The following CDH8 variants were observed in gnomAD, a reference collection of about 807,000 sequenced individuals.
CDH8 encodes cadherin 8.
CDH8 carries 17 observed loss-of-function variants against 68.1 expected under a neutral mutation model. The observed-to-expected ratio is 0.25, with a 90% CI of 0.17 to 0.37. The LOEUF (loss-of-function observed/expected upper bound fraction) is 0.37, where lower values mean the gene tolerates loss of function less well. CDH8 is among the 10% of genes least tolerant of loss of function. CDH8 has a pLI of 1.00. For missense variants in CDH8, 763 were observed against 999.3 expected (o/e 0.76, Z 3.19); for synonymous variants, 372 against 365.1 (o/e 1.02, Z -0.21).
intron 10 of CDH8, among the ~76,000 whole-genome samples, chr16:61,682,274 A>G (rs937757636): frequency 3.3e-5 from 5 of 151,978 alleles, no homozygotes; most frequent in African/African-American, 1.2e-4. Flanking sequence ...GAGTTCATGT[A>G]TTAGGAAAAA....
chr16:61,850,416 A>G (rs1962913573), intron 4 of CDH8, among the ~76,000 whole-genome samples: 1 of 152,072 alleles, frequency 6.6e-6, no homozygotes, highest in Admixed American at 6.6e-5. Context: ...GTCACATTTC[A>G]ACATAAGATT....
chr16:61,841,307 T>G (rs2143008312), intron 4 of CDH8, among the ~76,000 whole-genome samples: 1 of 152,324 alleles, frequency 6.6e-6, no homozygotes, highest in Admixed American at 6.5e-5. Context: ...GTGGTTGTCC[T>G]AACTTACATT....
intron 3 of CDH8, among the ~76,000 whole-genome samples, chr16:61,890,130 A>G (rs1016471846): frequency 1.3e-5 from 2 of 152,350 alleles, no homozygotes; most frequent in East Asian, 1.9e-4. Flanking sequence ...GTTTTTAGAG[A>G]GGAAAACCAA....
chr16:61,780,707 G>C (rs1035769868), intron 8 of CDH8, among the ~76,000 whole-genome samples: 1 of 152,088 alleles, frequency 6.6e-6, no homozygotes, highest in Non-Finnish European at 1.5e-5. Flanking sequence ...CTGTGGCTTT[G>C]GAAAATAAAC....
intron 1 of CDH8, among the ~76,000 whole-genome samples, chr16:62,029,210 A>G (rs1902267373): frequency 6.6e-6 from 1 of 152,226 alleles, no homozygotes; most frequent in East Asian, 1.9e-4. Flanking sequence ...TTGTCAATGT[A>G]GCTATTGTAG....
At chr16:61,941,993 C>G (rs1469833478) in intron 2 of CDH8, among the ~76,000 whole-genome samples, 2 of 152,108 alleles carry the variant, frequency 1.3e-5, no homozygotes. Context: ...TTCTCCTGAC[C>G]CCTCTCTTCT....
At chr16:61,794,166 C>G (rs976515432) in intron 7 of CDH8, among the ~76,000 whole-genome samples, 1 of 151,890 alleles carries the variant, frequency 6.6e-6, no homozygotes, top group Admixed American at 6.6e-5. Context: ...TTAAATCCAC[C>G]TTCCTTTTCT....
chr16:61,776,107 G>A (rs754883542), intron 8 of CDH8, among the ~76,000 whole-genome samples: 1 of 152,056 alleles, frequency 6.6e-6, no homozygotes, highest in South Asian at 2.1e-4. Flanking sequence ...AGAGGATAGA[G>A]AGGAGGATAG....
chr16:61,962,460 A>T (rs1327604279), intron 2 of CDH8, among the ~76,000 whole-genome samples: 1 of 152,154 alleles, frequency 6.6e-6, no homozygotes, highest in Admixed American at 6.6e-5. Context: ...GTGTATGACC[A>T]TCACACTCAG....
intron 10 of CDH8, among the ~76,000 whole-genome samples, chr16:61,680,230 C>T (rs1431396316): frequency 1.3e-5 from 2 of 151,942 alleles, no homozygotes; most frequent in Non-Finnish European, 2.9e-5. Context: ...AAACAAAGTG[C>T]TTACCATATT....
chr16:61,795,940 A>T (rs1335774564), intron 7 of CDH8, among the ~76,000 whole-genome samples: 1 of 151,954 alleles, frequency 6.6e-6, no homozygotes, highest in African/African-American at 2.4e-5. Flanking sequence ...TTTTTTAAGA[A>T]TTTTCTCTCC....
intron 3 of CDH8, among the ~76,000 whole-genome samples, chr16:61,899,865 C>T (rs1437137519): frequency 1.3e-5 from 2 of 148,220 alleles, no homozygotes; most frequent in Non-Finnish European, 3.0e-5. Flanking sequence ...CACACACACA[C>T]ACGAGTATCT....
intron 2 of CDH8, among the ~76,000 whole-genome samples, chr16:61,964,328 A>G (rs1380336409): frequency 1.3e-5 from 2 of 152,212 alleles, no homozygotes; most frequent in Non-Finnish European, 2.9e-5. Flanking sequence ...TCAGGGCACC[A>G]GGTGGGAACC....
intron 8 of CDH8, among the ~76,000 whole-genome samples, chr16:61,768,377 T>C (rs1960678130): frequency 6.6e-5 from 7 of 105,416 alleles, no homozygotes; most frequent in East Asian, 2.8e-4. Flanking sequence ...TCCCTTTCTC[T>C]CTCTCTCTCT....
chr16:61,764,733 C>T (rs1960546999), intron 8 of CDH8, among the ~76,000 whole-genome samples: 1 of 151,988 alleles, frequency 6.6e-6, no homozygotes, highest in Non-Finnish European at 1.5e-5. Flanking sequence ...ATTTTACCCC[C>T]CTTCCCTTTA....
intron 3 of CDH8, among the ~76,000 whole-genome samples, chr16:61,869,862 C>T (rs1419448137): frequency 1.3e-5 from 2 of 152,176 alleles, no homozygotes; most frequent in Non-Finnish European, 2.9e-5. Context: ...AGTTCTGTTT[C>T]TTCTCTTTTC....
chr16:61,652,664 A>T lies in CDH8; in HGVS notation c.*944T>A. ...TTTATATAAAACAATCTAAAGGATT[A>T]TTAATGGATATAATTTAGTTTTTTC... On this transcript the variant is annotated 3_prime_UTR_variant, in exon 12 of 12. Transcript: ENST00000577390. 8.7e-7 allele frequency: 1 copy of T among 1,151,616 alleles called. No individual in the cohort carries two copies. The highest frequency in any genetic ancestry group is 3.2e-5 in the East Asian group (1 of 31,488). 71.3% of individuals were successfully genotyped at this position (1,151,616 alleles called of 1,614,324 possible).
intron 7 of CDH8, among the ~76,000 whole-genome samples, chr16:61,809,540 G>A (rs1596987184): frequency 1.3e-5 from 2 of 152,196 alleles, no homozygotes; most frequent in East Asian, 1.9e-4. Context: ...CATGGCACAA[G>A]TATACCTATG....
intron 2 of CDH8, among the ~76,000 whole-genome samples, chr16:61,976,234 T>C (rs1965431472): frequency 6.6e-6 from 1 of 152,226 alleles, no homozygotes; most frequent in Non-Finnish European, 1.5e-5. Flanking sequence ...TTAAACTCTC[T>C]GACTCTTAGC....
Sources: allele counts gnomAD v4.1 joint callset (sites outside exome capture counted in the v4.1 genomes callset), GRCh38; gene constraint gnomAD v4.1.1; transcripts MANE v1.5; gene names NCBI Gene and HGNC (gene_info 2026-07-23, HGNC 2026-07-21).